Variants in CDH18 observed in about 807,000 individuals in gnomAD.
The protein encoded by CDH18 is cadherin 18, also known as cadherin-18.
In CDH18, 31 loss-of-function variants were observed where a neutral mutation model predicts 67.9. The ratio of observed to expected loss-of-function variants is 0.46; its 90% confidence interval spans 0.34 to 0.62. CDH18 has a LOEUF of 0.62. Ranked by LOEUF, CDH18 falls within the 20% of genes least tolerant of loss-of-function variation. The pLI is 0.01. For synonymous variants in CDH18, 362 were observed against 347.2 expected, an observed-to-expected ratio of 1.04 and a Z score of -0.48; for missense variants, 890 against 975.5, an observed-to-expected ratio of 0.91 and a Z score of 1.17.
intron 2 of CDH18, among the ~76,000 whole-genome samples, chr5:19,898,798 G>T (rs1480922096): frequency 6.6e-6 from 1 of 152,032 alleles, no homozygotes; most frequent in South Asian, 2.1e-4. Context: ...GTAAAATTGT[G>T]TACAAGTGGG....
chr5:19,798,940 C>T (rs1213639358), intron 3 of CDH18, among the ~76,000 whole-genome samples: 1 of 151,982 alleles, frequency 6.6e-6, no homozygotes, highest in African/African-American at 2.4e-5. Context: ...TTTTTAAAGG[C>T]TAAACAATAC....
At chr5:19,908,488 T>C (rs978174934) in intron 2 of CDH18, among the ~76,000 whole-genome samples, 1 of 152,108 alleles carries the variant, frequency 6.6e-6, no homozygotes, top group African/African-American at 2.4e-5. Flanking sequence ...ATAAGAAACA[T>C]TAATATTTTC....
intron 2 of CDH18, among the ~76,000 whole-genome samples, chr5:20,126,077 C>T (rs1748794230): frequency 6.6e-6 from 1 of 152,106 alleles, no homozygotes; most frequent in African/African-American, 2.4e-5. Flanking sequence ...GACATAGCTA[C>T]AGTAAATTAA....
At chr5:19,665,795 A>T (rs1260205125) in intron 5 of CDH18, among the ~76,000 whole-genome samples, 1 of 152,040 alleles carries the variant, frequency 6.6e-6, no homozygotes, top group Non-Finnish European at 1.5e-5. Flanking sequence ...AAGAATAGTT[A>T]ATATTGTGGT....
chr5:19,963,787 C>T (rs1007930565), intron 2 of CDH18, among the ~76,000 whole-genome samples: 3 of 151,772 alleles, frequency 2.0e-5, no homozygotes, highest in African/African-American at 4.8e-5. Context: ...GAAGTTTAAT[C>T]GACTCACAGT....
At chr5:20,496,997 A>T (rs1753948685) in intron 1 of CDH18, among the ~76,000 whole-genome samples, 1 of 152,146 alleles carries the variant, frequency 6.6e-6, no homozygotes, top group African/African-American at 2.4e-5. Context: ...GTGTGGCCCC[A>T]CAGAGAAGGT....
At chr5:19,650,114 CAT>C (rs1279031165) in intron 5 of CDH18, among the ~76,000 whole-genome samples, 18 of 152,102 alleles carry the variant, frequency 1.2e-4, no homozygotes, top group Non-Finnish European at 2.5e-4. Context: ...ACTGTACACA[CAT>C]ATGCAATATG....
intron 11 of CDH18, among the ~76,000 whole-genome samples, chr5:19,494,671 T>C (rs1026055188): frequency 2.0e-5 from 3 of 152,206 alleles, no homozygotes; most frequent in African/African-American, 7.2e-5. Flanking sequence ...ACTTGACCCC[T>C]GCCATGTCCT....
chr5:20,404,854 T>C (rs1303771917), intron 1 of CDH18, among the ~76,000 whole-genome samples: 1 of 152,098 alleles, frequency 6.6e-6, no homozygotes, highest in Non-Finnish European at 1.5e-5. Flanking sequence ...TGAAGCGCAA[T>C]AAAGTAAAAT....
chr5:19,891,590 G>A (rs1002132243), intron 2 of CDH18, among the ~76,000 whole-genome samples: 1 of 152,074 alleles, frequency 6.6e-6, no homozygotes, highest in African/African-American at 2.4e-5. Flanking sequence ...TCCCTCAGGA[G>A]ATAATGAATT....
intron 2 of CDH18, among the ~76,000 whole-genome samples, chr5:19,944,659 G>C (rs946459308): frequency 1.3e-5 from 2 of 152,094 alleles, no homozygotes; most frequent in African/African-American, 4.8e-5. Flanking sequence ...TATTAAGCTG[G>C]TATGTTTATT....
chr5:20,390,463 G>A lies in CDH18; in HGVS notation c.-579-134958C>T, dbSNP rs563225912. 5.1e-4 allele frequency among the ~76,000 whole-genome samples: 77 copies of A among 152,214 alleles called. 1 individual carries two copies. Among genetic ancestry groups the A allele is most frequent in the African/African-American group, 1.7e-3 (71 of 41,554 alleles). On this transcript the variant is annotated intron_variant, in intron 1 of 14. Coordinates refer to the CDH18 transcript ENST00000507958. ...ACACCATCTCACACCAGTTAGAATGGCGATCATTAAAAAGTCAGGAAACAA... is the reference window on the plus strand; with the variant it reads ...ACACCATCTCACACCAGTTAGAATGACGATCATTAAAAAGTCAGGAAACAA...
At chr5:19,993,713 TATAG>T (rs890623707) in intron 2 of CDH18, among the ~76,000 whole-genome samples, 2 of 152,154 alleles carry the variant, frequency 1.3e-5, no homozygotes, top group Admixed American at 6.5e-5. Context: ...TATACACGCA[TATAG>T]ATAGACAAAT....
chr5:19,509,582 T>C (rs966396108), intron 10 of CDH18, among the ~76,000 whole-genome samples: 1 of 152,160 alleles, frequency 6.6e-6, no homozygotes, highest in Admixed American at 6.6e-5. Flanking sequence ...CAGTAAAGAA[T>C]CTCTATTGAC....
intron 1 of CDH18, among the ~76,000 whole-genome samples, chr5:20,348,346 G>A (rs1161096434): frequency 6.6e-6 from 1 of 152,172 alleles, no homozygotes; most frequent in Non-Finnish European, 1.5e-5. Flanking sequence ...TACAATACAA[G>A]AGAAAATACT....
chr5:20,215,041 A>G (rs1362081377), intron 2 of CDH18, among the ~76,000 whole-genome samples: 1 of 152,070 alleles, frequency 6.6e-6, no homozygotes, highest in Admixed American at 6.6e-5. Flanking sequence ...ATGAACGGAC[A>G]CTTTTCAAAA....
intron 2 of CDH18, among the ~76,000 whole-genome samples, chr5:19,865,938 A>G (rs901424295): frequency 1.3e-5 from 2 of 152,188 alleles, no homozygotes; most frequent in African/African-American, 4.8e-5. Context: ...TGATTCAGGG[A>G]TCAGGAGCAT....
intron 2 of CDH18, among the ~76,000 whole-genome samples, chr5:20,207,240 C>T (rs200557817): frequency 6.6e-6 from 1 of 151,492 alleles, no homozygotes; most frequent in East Asian, 1.9e-4. Flanking sequence ...ATCCCACTTA[C>T]AAATAATACA....
At chr5:20,379,370 A>G (rs1743729760) in intron 1 of CDH18, among the ~76,000 whole-genome samples, 1 of 152,224 alleles carries the variant, frequency 6.6e-6, no homozygotes, top group Admixed American at 6.5e-5. Context: ...CATACTTAAC[A>G]GTGACAAATG....
Sources: allele counts gnomAD v4.1 joint callset (sites outside exome capture counted in the v4.1 genomes callset), GRCh38; gene constraint gnomAD v4.1.1; transcripts MANE v1.5; gene names NCBI Gene and HGNC (gene_info 2026-07-23, HGNC 2026-07-21).